Variants in MIP observed in about 807,000 individuals in gnomAD.
MIP encodes major intrinsic protein of lens fiber.
Under a neutral mutation model 21.8 loss-of-function variants are expected in MIP, and 14 were observed. The ratio of observed to expected loss-of-function variants is 0.64; its 90% CI spans 0.42 to 1.00. MIP has a LOEUF of 1.00. MIP is among the 50% of genes least tolerant of loss of function. The pLI is 0.00. For synonymous variants in MIP, 133 were observed against 141.4 expected (o/e 0.94, Z 0.42); for missense variants, 260 against 333.5 (o/e 0.78, Z 1.72).
intron 2 of MIP, 113 bp from the exon 3 acceptor site, chr12:56,453,265 G>T: frequency 1.2e-6 from 1 of 836,926 alleles, no homozygotes; most frequent in Non-Finnish European, 2.0e-6. Flanking sequence ...AGCAGCAAGT[G>T]GAGAGGGACA....
upstream of MIP, among the ~76,000 whole-genome samples, chr12:56,455,746 G>A (rs1230147323): frequency 6.6e-6 from 1 of 152,118 alleles, no homozygotes; most frequent in African/African-American, 2.4e-5. Context: ...GGTAGAATGG[G>A]ACATACTGAT....
rs1020180909 is a variant in MIP at position 56,453,576 on chromosome 12, C to T, written c.525+15G>A. The T allele has an allele frequency of 4.3e-6, 7 of 1,614,114 alleles. No homozygotes were observed. In the African/African-American group the frequency reaches 5.3e-5, roughly 12 times the overall value. Reference sequence around the variant, plus strand: ...CGGAATCCTTGAATGAGAAGTTGCTCTCCTTCCTGCTTACCCCAAAGAGGT... The same window carrying T: ...CGGAATCCTTGAATGAGAAGTTGCTTTCCTTCCTGCTTACCCCAAAGAGGT... On this transcript the variant is annotated intron_variant, in intron 2 of 3. Transcript: ENST00000652304.
rs1868689693 is a variant in MIP at position 56,453,636 on chromosome 12, C to G, written c.480G>C (p.Val160=). ...CAAGGGAGAAGCCAACGGCCAGGGC[C>G]ACGGAGCCCAGTTGGCCATTCCGCC... is the stretch of plus-strand genomic sequence containing the variant. ...DERRNGQLGS[V]ALAVGFSLAL... The change falls in exon 2 of 4, where the codon GTG becomes GTC. Residue 160 remains valine, a synonymous_variant. Coordinates refer to ENST00000652304, the MANE Select transcript of MIP (RefSeq NM_012064.4). 1 of 1,614,234 alleles carries G rather than the reference C, an allele frequency of 6.2e-7. No homozygotes were observed. Among genetic ancestry groups the G allele is most frequent in the Non-Finnish European group, 8.5e-7 (1 of 1,180,050 alleles).
chr12:56,455,092 G>C (rs369647625), upstream of MIP, among the ~76,000 whole-genome samples: 1 of 152,142 alleles, frequency 6.6e-6, no homozygotes, highest in African/African-American at 2.4e-5. Flanking sequence ...GTAAGGGTTG[G>C]GGGGAGTGGT....
rs372922415 is a variant in MIP, at chr12:56,451,500, G to A, written c.607-35C>T. 12 of 1,597,660 alleles carry A rather than the reference G, an allele frequency of 7.5e-6. No homozygotes were observed. The African/African-American group carries it at 1.1e-4, about 14-fold the overall frequency. ...GAGAAAAGGAATACTCAGGCTTGGG[G>A]AGGGGACAGAGTAGCAACGCTGCTC... On this transcript the variant is annotated intron_variant, in intron 3 of 3. Coordinates refer to ENST00000652304, the MANE Select transcript of MIP (RefSeq NM_012064.4).
rs886049693 is a variant in MIP at position 56,453,765 on chromosome 12, G to A, written c.361-10C>T. On this transcript the variant is annotated splice_polypyrimidine_tract_variant and intron_variant, in intron 1 of 3. Transcript: ENST00000652304. ...TCACCGCAGGGTGCAACTGTGCAAA[G>A]GAAGAAGAAGAGAGACAGCTCAGGA... The A allele has an allele frequency of 1.9e-5, 31 of 1,611,634 alleles. No individual in the cohort carries two copies. Among genetic ancestry groups the A allele is most frequent in the Non-Finnish European group, 2.5e-5 (30 of 1,179,140 alleles).
At position 56,450,984 on chromosome 12, in the gene MIP, C is replaced by T; in HGVS notation, c.*296G>A. The T allele has an allele frequency of 2.4e-6, 1 of 418,424 alleles. No homozygotes were observed. The highest frequency in any genetic ancestry group is 4.4e-6 in the Non-Finnish European group (1 of 227,080). The allele number at this position is 418,424 out of a possible 1,614,324, so 25.9% of individuals were successfully genotyped here. The stretch of plus-strand genomic sequence containing the variant: ...ATGGCACCTCTTTTTGCTTCCTTAG[C>T]TCTCATGCCCCAAAACTCAGACACA... On this transcript the variant is annotated 3_prime_UTR_variant, in exon 4 of 4. Transcript: ENST00000652304.
At chr12:56,454,688 A>G, upstream of MIP, 1 of 1,599,684 alleles carries the variant, frequency 6.3e-7, no homozygotes, top group Non-Finnish European at 8.5e-7. Context: ...TCCCCTTTAT[A>G]GAGGACTCTT....
At chr12:56,452,699 C>T in intron 3 of MIP, 2 of 309,636 alleles carry the variant, frequency 6.5e-6, no homozygotes, top group Non-Finnish European at 1.3e-5. Context: ...ACACACAAAG[C>T]CGATAACGTA....
At chr12:56,452,126 T>C (rs1868640247) in intron 3 of MIP, among the ~76,000 whole-genome samples, 1 of 152,168 alleles carries the variant, frequency 6.6e-6, no homozygotes, top group African/African-American at 2.4e-5. Context: ...GCAACCTATG[T>C]CTAGAACTTT....
rs1349100721 is a variant in MIP at position 56,451,434 on chromosome 12, C to A, written c.638G>T (p.Gly213Val). The change falls in exon 4 of 4, where the codon GGT becomes GTT. Residue 213 changes from glycine to valine, a missense_variant. Coordinates refer to ENST00000652304, the MANE Select transcript of MIP (RefSeq NM_012064.4). ...AAAGTCGTACAGGAGGCTGCCCAGA[C>A]CCCCTCCAATGATTGGGCCTACCCA... Reference protein sequence around the residue: ...VYWVGPIIGGGLGSLLYDFLL... With the variant: ...VYWVGPIIGGVLGSLLYDFLL... 2 of 1,614,024 alleles carry A rather than the reference C, an allele frequency of 1.2e-6. No individual in the cohort carries two copies. The highest frequency in any genetic ancestry group is 4.5e-5 in the East Asian group (2 of 44,900).
Position 56,450,498 on chromosome 12 carries a change from C to G in MIP, c.*782G>C, listed in dbSNP as rs1252399538. 1 of 152,130 alleles carries G rather than the reference C, an allele frequency of 6.6e-6. No homozygotes were observed. Among genetic ancestry groups the G allele is most frequent in the Non-Finnish European group, 1.5e-5 (1 of 68,066 alleles). The allele number at this position is 152,130 out of a possible 1,614,324, so 9.4% of individuals were successfully genotyped here. Reference sequence around the variant, plus strand: ...CCAAGCTCTATTTAGGTTGGAAGCTCTTTGGCCCAGGACCTCTGAAGAGAT... The same window carrying G: ...CCAAGCTCTATTTAGGTTGGAAGCTGTTTGGCCCAGGACCTCTGAAGAGAT... On this transcript the variant is annotated 3_prime_UTR_variant, in exon 4 of 4. Transcript: ENST00000652304.
rs142063436 is a variant in MIP at position 56,451,263 on chromosome 12, C to G, written c.*17G>C. The G allele has an allele frequency of 1.7e-5, 27 of 1,612,130 alleles. 1 individual carries two copies. The highest frequency in any genetic ancestry group is 5.5e-5 in the South Asian group (5 of 90,994). On this transcript the variant is annotated 3_prime_UTR_variant, in exon 4 of 4. Coordinates refer to ENST00000652304, the MANE Select transcript of MIP (RefSeq NM_012064.4). ...TAAACTCAGAAGCTTTCTACTCCCT[C>G]TATTCAGCTGGAGCTTCTACAGGGC...
At chr12:56,452,046 C>T (rs1478219865) in intron 3 of MIP, among the ~76,000 whole-genome samples, 1 of 152,032 alleles carries the variant, frequency 6.6e-6, no homozygotes, top group Non-Finnish European at 1.5e-5. Context: ...AGGGAGACTC[C>T]ATCTCAAAAA....
intron 3 of MIP, chr12:56,452,810 C>G: frequency 1.9e-6 from 1 of 521,372 alleles, no homozygotes. Flanking sequence ...TCTCTTCATA[C>G]CCGCTAGTTC....
rs1868731126 is a variant in MIP, at chr12:56,454,435, C to T, written c.179G>A (p.Gly60Asp). The T allele has an allele frequency of 1.9e-6, 3 of 1,614,136 alleles. No homozygotes were observed. The highest frequency in any genetic ancestry group is 2.5e-6 in the Non-Finnish European group (3 of 1,179,996). ...ATTGACGTGGGCTCCACTGATGTGG[C>T]CCACAGACTGCACCAGTGTAGCCAG... is the stretch of plus-strand genomic sequence containing the variant. ...LALATLVQSV[G>D]HISGAHVNPA... Residue 60 changes from glycine to aspartate, a missense_variant, in exon 1 of 4, where the codon GGC (glycine) becomes GAC (aspartate). Coordinates refer to ENST00000652304, the MANE Select transcript of MIP (RefSeq NM_012064.4).
chr12:56,451,179 G>T lies in MIP; in HGVS notation c.*101C>A. The T allele has an allele frequency of 4.2e-6, 4 of 944,482 alleles. No homozygotes were observed. The highest frequency in any genetic ancestry group is 6.7e-6 in the Non-Finnish European group (4 of 599,870). The allele number at this position is 944,482 out of a possible 1,614,324, so 58.5% of individuals were successfully genotyped here. ...CATACATAAGTTAAAAAATAAAGAA[G>T]TACATGACCCTCCCCACAGTCTCTT... On this transcript the variant is annotated 3_prime_UTR_variant, in exon 4 of 4. Transcript: ENST00000652304.
At chr12:56,452,660 A>G (rs1236244713) in intron 3 of MIP, 1 of 246,288 alleles carries the variant, frequency 4.1e-6, no homozygotes, top group African/African-American at 2.2e-5. Flanking sequence ...AAACAAACTG[A>G]AGCACAGAGT....
At position 56,450,205 on chromosome 12, in the gene MIP, G is replaced by GA. The variant is rs943666996; in HGVS notation, c.*1074dup. 13 of 151,818 alleles carry GA rather than the reference G, an allele frequency of 8.6e-5. No individual in the cohort carries two copies. Among genetic ancestry groups the GA allele is most frequent in the East Asian group, 1.9e-4 (1 of 5,174 alleles). The allele number at this position is 151,818 out of a possible 1,614,324, so 9.4% of individuals were successfully genotyped here. A position where few individuals can be genotyped will look rare whatever the true frequency, so the allele number is the denominator to read the frequency against. The stretch of plus-strand genomic sequence containing the variant: ...ATGAAAATACACAGACACAAAACAA[G>GA]AAAAAAAACACGGAACTAGTGATAA... On this transcript the variant is annotated 3_prime_UTR_variant, in exon 4 of 4. Transcript: ENST00000652304.
Sources: gnomAD v4.1 joint callset for allele counts (sites outside exome capture counted in the v4.1 genomes callset) on GRCh38, gnomAD v4.1.1 for gene constraint, MANE v1.5 for transcripts, NCBI Gene and HGNC (gene_info 2026-07-23, HGNC 2026-07-21) for gene names.